ROBO2: variants seen among roughly 807,000 people sequenced by gnomAD.
ROBO2 encodes roundabout homolog 2.
A neutral mutation model predicts 160.8 loss-of-function variants in ROBO2; 53 were observed. The observed-to-expected ratio is 0.33, with a 90% CI of 0.26 to 0.41. ROBO2 has a LOEUF of 0.41. Among genes scored for constraint, ROBO2 ranks in the 10% least tolerant of loss-of-function variants. The probability of loss-of-function intolerance (pLI) is 1.00; values close to 1 mark genes in which losing one functional copy is unlikely to be tolerated. For missense variants in ROBO2, 1,577 were observed against 1,722.4 expected, an observed-to-expected ratio of 0.92 and a Z score of 1.49; for synonymous variants, 664 against 611.7, an observed-to-expected ratio of 1.09 and a Z score of -1.26.
chr3:76,000,033 C>T (rs992396089), intron 2 of ROBO2, among the ~76,000 whole-genome samples: 2 of 152,066 alleles, frequency 1.3e-5, no homozygotes, highest in African/African-American at 4.8e-5. Flanking sequence ...TTGTATAATT[C>T]TTTATCATTT....
chr3:77,087,033 A>G (rs908162459), intron 1 of ROBO2, among the ~76,000 whole-genome samples: 1 of 152,126 alleles, frequency 6.6e-6, no homozygotes, highest in African/African-American at 2.4e-5. Flanking sequence ...GCTGGTGGGA[A>G]TGGTGTTTTT....
intron 4 of ROBO2, among the ~76,000 whole-genome samples, chr3:77,484,508 A>AACACAC (rs60959193): frequency 0.023 from 3,325 of 146,810 alleles, 130 homozygotes; most frequent in African/African-American, 0.078. Flanking sequence ...CCCCAACACA[A>AACACAC]ACACACACAC....
At chr3:76,441,849 T>C (rs1006493614) in intron 2 of ROBO2, among the ~76,000 whole-genome samples, 2 of 152,246 alleles carry the variant, frequency 1.3e-5, no homozygotes, top group Non-Finnish European at 2.9e-5. Context: ...GCTGGCTTTG[T>C]CCCACCAACT....
chr3:76,004,034 A>T (rs183125522), intron 2 of ROBO2, among the ~76,000 whole-genome samples: 97 of 152,310 alleles, frequency 6.4e-4, no homozygotes, highest in Admixed American at 2.2e-3. Context: ...CATATGACTC[A>T]ACTATCAATT....
At chr3:76,603,766 T>G (rs2087426238) in intron 2 of ROBO2, among the ~76,000 whole-genome samples, 1 of 152,112 alleles carries the variant, frequency 6.6e-6, no homozygotes, top group African/African-American at 2.4e-5. Context: ...GGAATAACAG[T>G]CTCTGTCAGT....
At chr3:77,617,801 C>T (rs1410935351) in intron 22 of ROBO2, 28 bp downstream of exon 23, 8 of 1,609,040 alleles carry the variant, frequency 5.0e-6, no homozygotes, top group African/African-American at 1.3e-5. Flanking sequence ...GTCAAGAGAC[C>T]CATGCTTTCA....
At chr3:77,240,224 C>T (rs1489315477) in intron 2 of ROBO2, among the ~76,000 whole-genome samples, 1 of 152,110 alleles carries the variant, frequency 6.6e-6, no homozygotes, top group Non-Finnish European at 1.5e-5. Context: ...GGTCCTGAGC[C>T]CTGCCCCGCA....
chr3:77,108,668 G>A (rs1305025968), intron 2 of ROBO2, among the ~76,000 whole-genome samples: 1 of 152,116 alleles, frequency 6.6e-6, no homozygotes, highest in Non-Finnish European at 1.5e-5. Context: ...CTGCAGGAGT[G>A]AGGAGGGGCC....
chr3:76,493,105 T>A (rs1180810589), intron 2 of ROBO2, among the ~76,000 whole-genome samples: 1 of 152,000 alleles, frequency 6.6e-6, no homozygotes, highest in African/African-American at 2.4e-5. Context: ...CACATATGCA[T>A]AGCGTTGTGG....
chr3:76,428,473 G>A (rs919550359), intron 2 of ROBO2, among the ~76,000 whole-genome samples: 4 of 151,980 alleles, frequency 2.6e-5, no homozygotes, highest in Non-Finnish European at 5.9e-5. Context: ...TGTCTATTTC[G>A]AATGTTAAAG....
chr3:77,433,520 T>TATATATATATATATATATATATA (rs1560820593), intron 2 of ROBO2, among the ~76,000 whole-genome samples: 2 of 83,988 alleles, frequency 2.4e-5, no homozygotes, highest in African/African-American at 8.0e-5. Context: ...ATATATATAT[T>TATATATATATATATATATATATA]TCTCCTTCAT....
chr3:76,379,395 T>C (rs1188814837), intron 2 of ROBO2, among the ~76,000 whole-genome samples: 1 of 152,184 alleles, frequency 6.6e-6, no homozygotes, highest in Non-Finnish European at 1.5e-5. Context: ...CTTTGTGTTA[T>C]ATAAAAGTGT....
At chr3:77,374,027 A>C (rs993157546) in intron 2 of ROBO2, among the ~76,000 whole-genome samples, 1 of 151,500 alleles carries the variant, frequency 6.6e-6, no homozygotes, top group Non-Finnish European at 1.5e-5. Flanking sequence ...AAAATTGGCC[A>C]GGTGTGGTGG....
At chr3:77,436,614 T>G (rs965230446) in intron 2 of ROBO2, among the ~76,000 whole-genome samples, 1 of 151,844 alleles carries the variant, frequency 6.6e-6, no homozygotes, top group African/African-American at 2.4e-5. Context: ...TCGAATATGG[T>G]CAGATGTGAC....
At chr3:76,468,362 G>A (rs566181523) in intron 2 of ROBO2, among the ~76,000 whole-genome samples, 51 of 152,110 alleles carry the variant, frequency 3.4e-4, no homozygotes, top group Non-Finnish European at 5.7e-4. Flanking sequence ...CTGTTTATTC[G>A]TTGCCTCTTT....
chr3:76,259,673 C>G (rs7649525), intron 2 of ROBO2, among the ~76,000 whole-genome samples: 2 of 151,890 alleles, frequency 1.3e-5, no homozygotes, highest in South Asian at 2.1e-4. Flanking sequence ...TGTAGAGAAG[C>G]TTTGCTTTCA....
chr3:76,143,378 T>C (rs1038834041), intron 2 of ROBO2, among the ~76,000 whole-genome samples: 2 of 152,080 alleles, frequency 1.3e-5, no homozygotes, highest in Non-Finnish European at 1.5e-5. Context: ...GTCACCACTT[T>C]GTCCAGTGAC....
chr3:76,335,262 A>G (rs1017699751), intron 2 of ROBO2, among the ~76,000 whole-genome samples: 1 of 135,932 alleles, frequency 7.4e-6, no homozygotes, highest in Non-Finnish European at 1.6e-5. Flanking sequence ...GCTCACGGCA[A>G]CCTCCACTCC....
intron 4 of ROBO2, among the ~76,000 whole-genome samples, chr3:77,490,067 C>CTTTTAATGTCGGCATGCCCGTCTTGTTCT (rs1560980825): frequency 6.6e-6 from 1 of 150,724 alleles, no homozygotes; most frequent in African/African-American, 2.4e-5. Flanking sequence ...CGTCTTGTTC[C>CTTTTAATGTCGGCATGCCCGTCTTGTTCT]GGACTTCAAT....
Sources: gnomAD v4.1 joint callset for allele counts (sites outside exome capture counted in the v4.1 genomes callset) on GRCh38, gnomAD v4.1.1 for gene constraint, MANE v1.5 for transcripts, NCBI Gene and HGNC (gene_info 2026-07-23, HGNC 2026-07-21) for gene names.